Variants in SLC39A11 observed in about 807,000 individuals in gnomAD.
SLC39A11 encodes zinc transporter ZIP11.
A neutral mutation model predicts 36.1 loss-of-function variants in SLC39A11; 33 were observed. The ratio of observed to expected loss-of-function variants is 0.91; its 90% CI spans 0.69 to 1.22. The LOEUF (loss-of-function observed/expected upper bound fraction) is 1.22, where lower values mean the gene tolerates loss of function less well. Among genes scored for constraint, SLC39A11 ranks in the 50% most tolerant of loss-of-function variants. SLC39A11 has a pLI of 0.00. For missense variants in SLC39A11, 432 were observed against 430.3 expected (o/e 1.00, Z -0.03); for synonymous variants, 166 against 170.3 (o/e 0.97, Z 0.20).
chr17:72,926,006 C>T (rs2084028964), intron 5 of SLC39A11, among the ~76,000 whole-genome samples: 1 of 152,210 alleles, frequency 6.6e-6, no homozygotes, highest in South Asian at 2.1e-4. Flanking sequence ...GAAATCAATG[C>T]TTAAACTCTT....
intron 5 of SLC39A11, among the ~76,000 whole-genome samples, chr17:72,869,631 C>T (rs760965552): frequency 2.0e-5 from 3 of 151,558 alleles, no homozygotes; most frequent in African/African-American, 7.3e-5. Flanking sequence ...CCACCCACCT[C>T]GGCCTCCTCG....
chr17:72,804,993 T>C (rs2077205030), intron 6 of SLC39A11, among the ~76,000 whole-genome samples: 1 of 152,044 alleles, frequency 6.6e-6, no homozygotes, highest in Non-Finnish European at 1.5e-5. Context: ...TCCAGCCTGG[T>C]GACAGAGCAA....
chr17:72,808,514 C>T (rs113984945), intron 6 of SLC39A11, among the ~76,000 whole-genome samples: 2,022 of 152,268 alleles, frequency 0.013, 44 homozygotes, highest in African/African-American at 0.046. Context: ...ATTAGGATTA[C>T]GGGAGGGGCC....
At chr17:73,020,993 TGCTTTG>T (rs1568136434) in intron 4 of SLC39A11, among the ~76,000 whole-genome samples, 1 of 152,114 alleles carries the variant, frequency 6.6e-6, no homozygotes, top group Non-Finnish European at 1.5e-5. Context: ...GAGAGAACAA[TGCTTTG>T]GCTTTCCAGT....
chr17:73,019,116 A>G (rs1433277148), intron 4 of SLC39A11, among the ~76,000 whole-genome samples: 1 of 152,202 alleles, frequency 6.6e-6, no homozygotes, highest in South Asian at 2.1e-4. Flanking sequence ...CAAAATAAAA[A>G]TGTATTCAGA....
intron 7 of SLC39A11, among the ~76,000 whole-genome samples, chr17:72,734,073 C>T (rs1349926172): frequency 1.3e-5 from 2 of 152,128 alleles, no homozygotes; most frequent in Non-Finnish European, 2.9e-5. Flanking sequence ...CATACCTTTC[C>T]CTCATGGCTA....
At chr17:73,040,441 T>C (rs1357230999) in intron 3 of SLC39A11, among the ~76,000 whole-genome samples, 1 of 152,216 alleles carries the variant, frequency 6.6e-6, no homozygotes, top group Admixed American at 6.5e-5. Flanking sequence ...GTATCCTGAT[T>C]GGTATCTGAG....
chr17:73,023,012 G>A (rs1412548472), intron 4 of SLC39A11, among the ~76,000 whole-genome samples: 3 of 152,084 alleles, frequency 2.0e-5, no homozygotes, highest in Admixed American at 1.3e-4. Context: ...ATCAGGCACC[G>A]CTTCCATTAC....
chr17:73,063,564 G>A (rs942053121), intron 3 of SLC39A11, among the ~76,000 whole-genome samples: 4 of 151,906 alleles, frequency 2.6e-5, no homozygotes, highest in Non-Finnish European at 1.5e-5. Context: ...GCAATGAGCC[G>A]AGATCGTGTC....
At chr17:73,035,641 G>A (rs2058882710) in intron 3 of SLC39A11, among the ~76,000 whole-genome samples, 2 of 152,032 alleles carry the variant, frequency 1.3e-5, no homozygotes, top group Middle Eastern at 3.4e-3. Flanking sequence ...AGAAGGGTCA[G>A]AGTCGTGAGG....
intron 4 of SLC39A11, among the ~76,000 whole-genome samples, chr17:72,979,398 T>C (rs1028845314): frequency 6.6e-6 from 1 of 152,108 alleles, no homozygotes; most frequent in African/African-American, 2.4e-5. Context: ...TAATTCTCAC[T>C]CCAGTTATGC....
intron 3 of SLC39A11, among the ~76,000 whole-genome samples, chr17:73,072,730 AGT>A (rs112414377): frequency 6.6e-6 from 1 of 152,078 alleles, no homozygotes; most frequent in African/African-American, 2.4e-5. Context: ...AAAAACCACT[AGT>A]GTTTGGGGGC....
chr17:72,980,194 G>A (rs945076926), intron 4 of SLC39A11, among the ~76,000 whole-genome samples: 1 of 152,132 alleles, frequency 6.6e-6, no homozygotes, highest in Non-Finnish European at 1.5e-5. Context: ...ATTTTGTTTG[G>A]TGGCTCAAGA....
chr17:72,868,411 T>C (rs1008219319), intron 5 of SLC39A11, among the ~76,000 whole-genome samples: 1 of 151,990 alleles, frequency 6.6e-6, no homozygotes, highest in Admixed American at 6.6e-5. Flanking sequence ...TTTTAGGCCA[T>C]GCTAACTTAA....
intron 6 of SLC39A11, among the ~76,000 whole-genome samples, chr17:72,785,156 T>C (rs2076465021): frequency 6.6e-6 from 1 of 152,158 alleles, no homozygotes; most frequent in African/African-American, 2.4e-5. Flanking sequence ...CTAAACCTCT[T>C]TTATTCATAA....
chr17:72,818,996 A>G (rs2077677686), intron 6 of SLC39A11: 1 of 152,024 alleles, frequency 6.6e-6, no homozygotes, highest in Non-Finnish European at 1.5e-5. Context: ...TTTTTTTTAA[A>G]AAAAAGCAGG....
intron 4 of SLC39A11, among the ~76,000 whole-genome samples, chr17:72,964,200 C>T (rs1568032687): frequency 1.3e-5 from 2 of 152,188 alleles, no homozygotes; most frequent in Admixed American, 1.3e-4. Flanking sequence ...TTGGGCTAAG[C>T]AACAAATGAA....
At chr17:72,780,140 T>C (rs1473352712) in intron 6 of SLC39A11, among the ~76,000 whole-genome samples, 2 of 152,160 alleles carry the variant, frequency 1.3e-5, no homozygotes, top group African/African-American at 4.8e-5. Flanking sequence ...TCAGGCAGTC[T>C]GTGGACTAAG....
chr17:72,791,427 G>C (rs2076699335), intron 6 of SLC39A11, among the ~76,000 whole-genome samples: 1 of 152,224 alleles, frequency 6.6e-6, no homozygotes, highest in Admixed American at 6.5e-5. Flanking sequence ...ACTCCAGACT[G>C]GGTGACAGAA....
Sources: allele counts gnomAD v4.1 joint callset (sites outside exome capture counted in the v4.1 genomes callset), GRCh38; gene constraint gnomAD v4.1.1; transcripts MANE v1.5; gene names NCBI Gene and HGNC (gene_info 2026-07-23, HGNC 2026-07-21).